The following IPO13 variants were observed in gnomAD, a reference collection of about 807,000 sequenced individuals.
The protein encoded by IPO13 is importin 13.
Under a neutral mutation model 115.5 loss-of-function variants are expected in IPO13, and 28 were observed. That is an observed-to-expected ratio of 0.24 (90% confidence interval 0.18 to 0.33). The LOEUF (loss-of-function observed/expected upper bound fraction) is 0.33. IPO13 is among the 10% of genes least tolerant of loss of function. IPO13 has a pLI of 1.00. For missense variants in IPO13, 785 were observed against 1,204.6 expected, an observed-to-expected ratio of 0.65 and a Z score of 5.16; for synonymous variants, 414 against 478.9, an observed-to-expected ratio of 0.86 and a Z score of 1.77.
At position 43,958,163 on chromosome 1, in the gene IPO13, G is replaced by T; in HGVS notation, c.1722+5G>T. On this transcript the variant is annotated splice_donor_5th_base_variant and intron_variant, in intron 8 of 19. Coordinates refer to ENST00000372343, the MANE Select transcript of IPO13 (RefSeq NM_014652.4). The surrounding 1 kb of genome is among the most constrained non-coding windows in gnomAD (Gnocchi z 6.3). ...AACATTGTGGCTGTGTCCCAGGTAT[G>T]CAGGGGCCCTGGATGGTGCTGGGCC... 2 of 1,614,108 alleles carry T rather than the reference G, an allele frequency of 1.2e-6. No homozygotes were observed. The highest frequency in any genetic ancestry group is 1.7e-6 in the Non-Finnish European group (2 of 1,179,972).
Position 43,957,506 on chromosome 1 carries a change from C to G in IPO13, c.1497C>G (p.Ser499Arg). ...TCATTGGCCTCATCCCACGGATCAG[C>G]ATCAGCAACGTGCAGCTGGCAGACA... ...PGLIGLIPRI[S>R]ISNVQLADTV... The change falls in exon 7 of 20, where the codon AGC becomes AGG. Residue 499 changes from serine (S) to arginine (R), a missense_variant. Around this residue, in one of 3 missense-constraint regions of IPO13, gnomAD observed 175 missense variants for 360.0 expected, o/e 0.49. Coordinates refer to ENST00000372343, the MANE Select transcript of IPO13 (RefSeq NM_014652.4). 3 of 1,614,256 alleles carry G rather than the reference C, an allele frequency of 1.9e-6. No homozygotes were observed. Among genetic ancestry groups the G allele is most frequent in the Non-Finnish European group, 2.5e-6 (3 of 1,180,046 alleles).
intron 2 of IPO13, 45 bp downstream of exon 2, chr1:43,950,198 C>A: frequency 6.4e-7 from 1 of 1,554,000 alleles, no homozygotes; most frequent in Non-Finnish European, 8.7e-7. Flanking sequence ...CTTTGGCCAG[C>A]CACACATCCA....
rs1290846581 is a variant in IPO13 at position 43,952,734 on chromosome 1, G to T, written c.821+2581G>T. The stretch of plus-strand genomic sequence containing the variant: ...TTTGAAACTTTAAATAAAATATTGG[G>T]TTGATTTTAAAAAATAAAAGATTGT... On this transcript the variant is annotated intron_variant, in intron 2 of 19. Coordinates refer to ENST00000372343, the MANE Select transcript of IPO13 (RefSeq NM_014652.4). This position sits in a 1 kb window ranked among gnomAD's most constrained non-coding sequence, Gnocchi z 4.7. 6.6e-6 allele frequency among the ~76,000 whole-genome samples: 1 copy of T among 152,144 alleles called. No homozygotes were observed. The highest frequency in any genetic ancestry group is 1.5e-5 in the Non-Finnish European group (1 of 68,028).
At position 43,952,624 on chromosome 1, in the gene IPO13, A is replaced by T. The variant is rs945228532; in HGVS notation, c.821+2471A>T. Among the ~76,000 whole-genome samples the T allele has an allele frequency of 3.9e-5, 6 of 152,166 alleles. No individual in the cohort carries two copies. Among genetic ancestry groups the T allele is most frequent in the African/African-American group, 1.4e-4 (6 of 41,432 alleles). ...AAATTTGAAAAGGAGTTGGTTTCCT[A>T]TATATATATGTGTGTGTATACATAC... On this transcript the variant is annotated intron_variant, in intron 2 of 19. Coordinates refer to ENST00000372343, the MANE Select transcript of IPO13 (RefSeq NM_014652.4). This position sits in a 1 kb window ranked among gnomAD's most constrained non-coding sequence, Gnocchi z 4.7.
intron 15 of IPO13, 29 bp downstream of exon 15, chr1:43,964,350 C>G (rs771387282): frequency 6.6e-7 from 1 of 1,509,898 alleles, no homozygotes; most frequent in Non-Finnish European, 9.2e-7. Flanking sequence ...CATTCACGTT[C>G]TGTTCTCTCT....
Position 43,957,216 on chromosome 1 carries a change from C to G in IPO13, c.1293C>G (p.Leu431=), listed in dbSNP as rs776724988. 2 of 1,613,940 alleles carry G rather than the reference C, an allele frequency of 1.2e-6. No individual in the cohort carries two copies. Among genetic ancestry groups the G allele is most frequent in the South Asian group, 1.1e-5 (1 of 91,076 alleles). The part of the protein sequence containing the change: ...RIYRVDISDT[L]MYVYEMLGAE... ...TCAGGGTGGACATCTCAGACACGCTCATGTATGTCTATGAGATGTTGGGGG... is the reference window on the plus strand; with the variant it reads ...TCAGGGTGGACATCTCAGACACGCTGATGTATGTCTATGAGATGTTGGGGG... Residue 431 remains leucine, a synonymous_variant, in exon 6 of 20, where the codon CTC becomes CTG. Transcript: ENST00000372343.
chr1:43,959,063 T>C (rs780543498), intron 11 of IPO13, among the ~76,000 whole-genome samples, 174 bp downstream of exon 11: 10 of 152,240 alleles, frequency 6.6e-5, no homozygotes, highest in Non-Finnish European at 1.3e-4. Flanking sequence ...TATAATTGCC[T>C]CACTCTGTAG....
In IPO13 at chr1:43,966,676, C is replaced by T. The variant is rs748219756; in HGVS notation, c.2464+35C>T. 34 of 1,613,880 alleles carry T rather than the reference C, an allele frequency of 2.1e-5. No individual in the cohort carries two copies. Among genetic ancestry groups the T allele is most frequent in the Non-Finnish European group, 2.9e-5 (34 of 1,179,882 alleles). On this transcript the variant is annotated intron_variant, in intron 16 of 19. Coordinates refer to ENST00000372343, the MANE Select transcript of IPO13 (RefSeq NM_014652.4). This position sits in a 1 kb window ranked among gnomAD's most constrained non-coding sequence, Gnocchi z 4.1. Reference sequence around the variant, plus strand: ...GCGAGATGGACAGGTGGGCCTGGGGCTCCCCTAGAAGGATCGTTAAACTGA... The same window carrying T: ...GCGAGATGGACAGGTGGGCCTGGGGTTCCCCTAGAAGGATCGTTAAACTGA...
Position 43,967,563 on chromosome 1 carries a change from C to T in IPO13, c.2796-23C>T, listed in dbSNP as rs576652211. ...GGCAGTGGTGGTGGCTGGTGCTAAC[C>T]TGCTCTCCCTTTTCTCCTTCAGCGA... On this transcript the variant is annotated intron_variant, in intron 19 of 19. Coordinates refer to ENST00000372343, the MANE Select transcript of IPO13 (RefSeq NM_014652.4). This position sits in a 1 kb window ranked among gnomAD's most constrained non-coding sequence, Gnocchi z 6.1. 18 of 1,614,030 alleles carry T rather than the reference C, an allele frequency of 1.1e-5. No individual in the cohort carries two copies. Among genetic ancestry groups the T allele is most frequent in the South Asian group, 1.1e-4 (10 of 91,086 alleles).
In IPO13 at chr1:43,958,206, C is replaced by T. The variant is rs371301840; in HGVS notation, c.1723-36C>T. On this transcript the variant is annotated intron_variant, in intron 8 of 19. Coordinates refer to ENST00000372343, the MANE Select transcript of IPO13 (RefSeq NM_014652.4). The surrounding 1 kb of genome is among the most constrained non-coding windows in gnomAD (Gnocchi z 6.3). Reference sequence around the variant, plus strand: ...GCTGGGCCTCAGAGCACACTCTGCACTGTGCTGATACTACATTCCTTCTTT... The same window carrying T: ...GCTGGGCCTCAGAGCACACTCTGCATTGTGCTGATACTACATTCCTTCTTT... The T allele has an allele frequency of 3.7e-6, 6 of 1,613,254 alleles. No homozygotes were observed. The highest frequency in any genetic ancestry group is 2.2e-5 in the South Asian group (2 of 91,056).
intron 2 of IPO13, among the ~76,000 whole-genome samples, chr1:43,955,902 G>T (rs1293806766): frequency 6.6e-6 from 1 of 150,720 alleles, no homozygotes; most frequent in Non-Finnish European, 1.5e-5. Context: ...GGATGTGGTG[G>T]CTCCACCTGT....
Position 43,949,413 on chromosome 1 carries a change from G to T in IPO13, c.85-4G>T. The T allele has an allele frequency of 6.3e-7, 1 of 1,593,814 alleles. No homozygotes were observed. On this transcript the variant is annotated splice_region_variant and splice_polypyrimidine_tract_variant and intron_variant, in intron 1 of 19. Transcript: ENST00000372343. ...CACCTGCTCAGTCCTGTGCTGTCCTGCAGGCGCTGCACCAGCTCTACTATG... is the reference window on the plus strand; with the variant it reads ...CACCTGCTCAGTCCTGTGCTGTCCTTCAGGCGCTGCACCAGCTCTACTATG...
rs754345572 is a variant in IPO13, at chr1:43,957,289, A to G, written c.1366A>G (p.Ser456Gly). 14 of 1,614,038 alleles carry G rather than the reference A, an allele frequency of 8.7e-6. No homozygotes were observed. The Admixed American group carries it at 2.3e-4, about 27-fold the overall frequency. Reference sequence around the variant, plus strand: ...TGACAAGCTGGGTCGTTTGCTCACCAGCTCAGAGGAGCCCTACTCCTGGCA... The same window carrying G: ...TGACAAGCTGGGTCGTTTGCTCACCGGCTCAGAGGAGCCCTACTCCTGGCA... Reference protein sequence around the residue: ...LYDKLGRLLTSSEEPYSWQHT... With the variant: ...LYDKLGRLLTGSEEPYSWQHT... The change falls in exon 6 of 20, where the codon AGC (serine) becomes GGC (glycine). Residue 456 changes from serine to glycine, a missense_variant. Physicochemically the swap from Ser to Gly is moderately conservative, Grantham distance 56. Transcript: ENST00000372343.
intron 14 of IPO13, 83 bp downstream of exon 14, chr1:43,961,345 C>T (rs78013260): frequency 5.7e-6 from 6 of 1,046,384 alleles, no homozygotes; most frequent in Non-Finnish European, 9.0e-6. Flanking sequence ...GCTGCCCACT[C>T]TGTTCTTCTC....
intron 11 of IPO13, among the ~76,000 whole-genome samples, chr1:43,959,504 C>G (rs1484263760): frequency 1.3e-5 from 2 of 152,216 alleles, no homozygotes; most frequent in Non-Finnish European, 1.5e-5. Context: ...TTACTCAATT[C>G]ATAGAACTGT....
In IPO13 at chr1:43,966,868, G is replaced by T; in HGVS notation, c.2524-62G>T. 6.2e-7 allele frequency: 1 copy of T among 1,608,552 alleles called. No individual in the cohort carries two copies. Among genetic ancestry groups the T allele is most frequent in the Non-Finnish European group, 8.5e-7 (1 of 1,175,256 alleles). ...TCAGACAGTAGGGCTGGGGTGTACA[G>T]GTCTTGTCCTCAGGGAGAGCTGGGA... On this transcript the variant is annotated intron_variant, in intron 17 of 19. Transcript: ENST00000372343. This position sits in a 1 kb window ranked among gnomAD's most constrained non-coding sequence, Gnocchi z 4.1.
In IPO13 at chr1:43,967,706, C is replaced by T. The variant is rs753668067; in HGVS notation, c.*24C>T. 10 of 1,599,758 alleles carry T rather than the reference C, an allele frequency of 6.3e-6. No homozygotes were observed. In the Admixed American group the frequency reaches 1.5e-4, roughly 24 times the overall value. On this transcript the variant is annotated 3_prime_UTR_variant, in exon 20 of 20. Transcript: ENST00000372343. The surrounding 1 kb of genome is among the most constrained non-coding windows in gnomAD (Gnocchi z 6.1). ...GAGGGGTGCCCCCATCCCATCCACC[C>T]CTTCTCTTCATCCTTCCCTATTCCC...
chr1:43,957,611 A>G (rs1236906056), intron 7 of IPO13, 62 bp downstream of exon 7: 3 of 1,585,710 alleles, frequency 1.9e-6, no homozygotes, highest in Non-Finnish European at 2.6e-6. Context: ...CCCTGGCCAC[A>G]GCCAGCATGC....
intron 1 of IPO13, among the ~76,000 whole-genome samples, chr1:43,948,568 CAG>C (rs1325941106): frequency 6.6e-6 from 1 of 152,314 alleles, no homozygotes; most frequent in African/African-American, 2.4e-5. Context: ...AACTGGCTGT[CAG>C]GGGTACAAAT....
Sources: gnomAD v4.1 joint callset for allele counts (sites outside exome capture counted in the v4.1 genomes callset) on GRCh38, gnomAD v4.1.1 for gene constraint, gnomAD v4.1.1 regional missense constraint, Gnocchi (gnomAD v3.1) non-coding constraint, MANE v1.5 for transcripts, NCBI Gene and HGNC (gene_info 2026-07-23, HGNC 2026-07-21) for gene names.